The following CTNNA3 variants were observed in gnomAD, a reference collection of about 807,000 sequenced individuals.
The protein encoded by CTNNA3 is catenin alpha 3, also known as catenin alpha-3.
In CTNNA3, 76 loss-of-function variants were observed where a neutral mutation model predicts 95.7. That is an observed-to-expected ratio of 0.79 (90% confidence interval 0.66 to 0.96). The LOEUF is 0.96. Among genes scored for constraint, CTNNA3 ranks in the 40% least tolerant of loss-of-function variants. The pLI is 0.00. For synonymous variants in CTNNA3, 431 were observed against 374.4 expected (o/e 1.15, Z -1.74); for missense variants, 1,191 against 1,089.8 (o/e 1.09, Z -1.31).
intron 3 of CTNNA3, among the ~76,000 whole-genome samples, chr10:67,585,283 G>A (rs1239534206): frequency 6.6e-6 from 1 of 152,120 alleles, no homozygotes; most frequent in East Asian, 1.9e-4. Flanking sequence ...TGTTCATCAG[G>A]GATAATGATC....
chr10:67,619,705 C>T (rs1330267167), intron 2 of CTNNA3, among the ~76,000 whole-genome samples: 1 of 152,112 alleles, frequency 6.6e-6, no homozygotes, highest in Non-Finnish European at 1.5e-5. Flanking sequence ...CTTCTCTGGG[C>T]TTCACCCAGA....
At chr10:66,684,241 C>G (rs1847168531) in intron 9 of CTNNA3, among the ~76,000 whole-genome samples, 1 of 151,918 alleles carries the variant, frequency 6.6e-6, no homozygotes, top group African/African-American at 2.4e-5. Context: ...AAGTGGAGTC[C>G]AAGGATACTG....
chr10:67,413,326 C>T (rs1461734421), intron 5 of CTNNA3, among the ~76,000 whole-genome samples: 2 of 151,972 alleles, frequency 1.3e-5, no homozygotes, highest in African/African-American at 4.8e-5. Flanking sequence ...AGATTTTAAA[C>T]ACATAAAAAT....
At chr10:66,072,335 T>C (rs2080456126) in intron 14 of CTNNA3, among the ~76,000 whole-genome samples, 1 of 152,206 alleles carries the variant, frequency 6.6e-6, no homozygotes, top group African/African-American at 2.4e-5. Context: ...AAAACTTTCC[T>C]ATGACCAGGG....
At chr10:66,150,954 A>G (rs906654717) in intron 13 of CTNNA3, among the ~76,000 whole-genome samples, 1 of 152,064 alleles carries the variant, frequency 6.6e-6, no homozygotes, top group African/African-American at 2.4e-5. Context: ...GTTTCCCTTC[A>G]GTGGCTTCAA....
chr10:66,594,732 T>C (rs1010319360), intron 10 of CTNNA3, among the ~76,000 whole-genome samples: 1 of 152,158 alleles, frequency 6.6e-6, no homozygotes, highest in African/African-American at 2.4e-5. Flanking sequence ...CCTGATATGG[T>C]AGCATGTAGT....
chr10:66,180,828 T>A (rs2086001315), intron 13 of CTNNA3, among the ~76,000 whole-genome samples: 2 of 152,192 alleles, frequency 1.3e-5, no homozygotes, highest in Admixed American at 6.5e-5. Flanking sequence ...GAATCTGAGC[T>A]AAGCTTGAAG....
At chr10:66,765,944 A>T (rs1196873420) in intron 9 of CTNNA3, among the ~76,000 whole-genome samples, 1 of 152,222 alleles carries the variant, frequency 6.6e-6, no homozygotes, top group Non-Finnish European at 1.5e-5. Flanking sequence ...CAGAGAAATA[A>T]TAAAATAATA....
In CTNNA3 at chr10:65,973,000, C is replaced by CA. The variant is rs1189513404; in HGVS notation, c.2266-6255dup. Among the ~76,000 whole-genome samples, 7 of 150,270 alleles carry CA rather than the reference C, an allele frequency of 4.7e-5. 1 individual carries two copies. Among genetic ancestry groups the CA allele is most frequent in the Admixed American group, 4.6e-4 (7 of 15,084 alleles). On this transcript the variant is annotated intron_variant, in intron 16 of 17. Transcript: ENST00000433211. ...TAACACACACAGCATGATACTGGCACAAAAACAGATACACAGGCTGATGGG... is the reference window on the plus strand; with the variant it reads ...TAACACACACAGCATGATACTGGCACAAAAAACAGATACACAGGCTGATGGG...
At position 66,519,170 on chromosome 10, in the gene CTNNA3, A is replaced by G. The variant is rs80177440; in HGVS notation, c.1531+1447T>C. ...AGAGGATTACTTTTTGAGAGAATAA[A>G]AAAGACGAAAATGTGTTCACTTCTT... On this transcript the variant is annotated intron_variant, in intron 11 of 17. Transcript: ENST00000433211. Among the ~76,000 whole-genome samples, 1,521 of 152,280 alleles carry G rather than the reference A, an allele frequency of 1.0e-2. 29 individuals are homozygous for G. Among genetic ancestry groups the G allele is most frequent in the African/African-American group, 0.035 (1,445 of 41,570 alleles).
intron 16 of CTNNA3, among the ~76,000 whole-genome samples, chr10:65,972,102 T>C (rs1263621059): frequency 6.6e-6 from 1 of 152,032 alleles, no homozygotes; most frequent in Non-Finnish European, 1.5e-5. Context: ...TTTGATAAAA[T>C]ACAACATCCC....
chr10:67,524,395 C>CAAAA lies in CTNNA3; in HGVS notation c.460-2438_460-2435dup, dbSNP rs200850487. ...CCTGGGCGACAGCGAGACTCTGTCT[C>CAAAA]AAAAAAAAAAAAAAAAAAAAAAAAA... On this transcript the variant is annotated intron_variant, in intron 4 of 17. Coordinates refer to ENST00000433211, the MANE Select transcript of CTNNA3 (RefSeq NM_013266.4). Among the ~76,000 whole-genome samples, 242 of 70,194 alleles carry CAAAA rather than the reference C, an allele frequency of 3.4e-3. 2 individuals carry two copies. Among genetic ancestry groups the CAAAA allele is most frequent in the African/African-American group, 6.8e-3 (138 of 20,314 alleles). 46.0% of individuals were successfully genotyped at this position (70,194 alleles called of 152,430 possible).
chr10:66,874,116 GTCAT>G (rs386744875), intron 7 of CTNNA3, among the ~76,000 whole-genome samples: 66,106 of 151,518 alleles, frequency 0.44, 14,691 homozygotes, highest in Non-Finnish European at 0.48. Flanking sequence ...TCAAGTCACA[GTCAT>G]TCAATGAGAG....
intron 5 of CTNNA3, among the ~76,000 whole-genome samples, chr10:67,468,545 A>G (rs1847693321): frequency 6.6e-6 from 1 of 152,178 alleles, no homozygotes. Context: ...CAGGGTACAG[A>G]GATGTAGCTT....
At chr10:67,253,242 G>A (rs1866181176) in intron 5 of CTNNA3, among the ~76,000 whole-genome samples, 1 of 152,164 alleles carries the variant, frequency 6.6e-6, no homozygotes, top group Non-Finnish European at 1.5e-5. Context: ...GCATAGATGT[G>A]CTAGAGGAAA....
At chr10:67,165,155 G>A (rs899682293) in intron 7 of CTNNA3, among the ~76,000 whole-genome samples, 1 of 152,074 alleles carries the variant, frequency 6.6e-6, no homozygotes, top group Non-Finnish European at 1.5e-5. Flanking sequence ...ATCCTACCAT[G>A]GAATACTAAT....
At chr10:66,960,279 C>T (rs1319422684) in intron 7 of CTNNA3, among the ~76,000 whole-genome samples, 2 of 152,050 alleles carry the variant, frequency 1.3e-5, no homozygotes, top group African/African-American at 4.8e-5. Context: ...GATCACAAAT[C>T]TCCTACAAAA....
At chr10:67,661,625 T>C (rs1840192067) in intron 1 of CTNNA3, among the ~76,000 whole-genome samples, 1 of 151,892 alleles carries the variant, frequency 6.6e-6, no homozygotes, top group Non-Finnish European at 1.5e-5. Context: ...ATTTTGAAAA[T>C]CTACATATGA....
chr10:66,040,280 A>G (rs138846634), intron 15 of CTNNA3, among the ~76,000 whole-genome samples: 252 of 152,224 alleles, frequency 1.7e-3, no homozygotes, highest in Non-Finnish European at 2.0e-3. Flanking sequence ...ATTGGGTGGG[A>G]GTGTAAATTA....
Sources: gnomAD v4.1 joint callset for allele counts (sites outside exome capture counted in the v4.1 genomes callset) on GRCh38, gnomAD v4.1.1 for gene constraint, MANE v1.5 for transcripts, NCBI Gene and HGNC (gene_info 2026-07-23, HGNC 2026-07-21) for gene names.